COL13A1: variants seen among roughly 807,000 people sequenced by gnomAD.
The protein encoded by COL13A1 is collagen alpha-1(XIII) chain.
In COL13A1, 89 loss-of-function variants were observed where a neutral mutation model predicts 130.9. The ratio of observed to expected loss-of-function variants is 0.68; its 90% CI spans 0.57 to 0.81. The LOEUF is 0.81. Among genes scored for constraint, COL13A1 ranks in the 30% least tolerant of loss-of-function variants. The probability of loss-of-function intolerance (pLI) is 0.00; values close to 1 mark genes in which losing one functional copy is unlikely to be tolerated. For synonymous variants in COL13A1, 402 were observed against 341.6 expected, an observed-to-expected ratio of 1.18 and a Z score of -1.95; for missense variants, 879 against 934.6, an observed-to-expected ratio of 0.94 and a Z score of 0.78.
chr10:69,856,509 C>A (rs1856475674), intron 2 of COL13A1, among the ~76,000 whole-genome samples: 1 of 152,146 alleles, frequency 6.6e-6, no homozygotes, highest in Admixed American at 6.5e-5. Flanking sequence ...TACAACCTAA[C>A]AAAAGACAAG....
chr10:69,868,166 C>A (rs982865362), intron 3 of COL13A1, among the ~76,000 whole-genome samples: 32 of 148,502 alleles, frequency 2.2e-4, no homozygotes, highest in African/African-American at 6.9e-4. Context: ...GAAAAGAAAT[C>A]ATCTCTCCTC....
At chr10:69,866,536 T>C (rs1436361376) in intron 2 of COL13A1, among the ~76,000 whole-genome samples, 2 of 152,212 alleles carry the variant, frequency 1.3e-5, no homozygotes, top group East Asian at 3.9e-4. Flanking sequence ...GTGACATTCC[T>C]CTGCCACTCA....
intron 1 of COL13A1, among the ~76,000 whole-genome samples, chr10:69,808,780 G>A (rs1194108259): frequency 6.6e-6 from 1 of 152,262 alleles, no homozygotes; most frequent in Non-Finnish European, 1.5e-5. Context: ...AGCTGTTGAT[G>A]TAAGGTCCCC....
chr10:69,936,925 C>T (rs1423818085), intron 33 of COL13A1, 143 bp downstream of exon 33: 5 of 869,998 alleles, frequency 5.7e-6, no homozygotes, highest in Non-Finnish European at 8.9e-6. Context: ...GGAGGAAGTC[C>T]TAGATTCCCT....
chr10:69,930,272 C>A, intron 29 of COL13A1, 128 bp from the exon 30 acceptor site: 1 of 1,088,156 alleles, frequency 9.2e-7, no homozygotes, highest in Non-Finnish European at 1.3e-6. Context: ...CAGACCCAGG[C>A]TGGGCTGTCT....
chr10:69,837,839 G>A (rs1056688396), intron 2 of COL13A1, among the ~76,000 whole-genome samples: 8 of 152,246 alleles, frequency 5.3e-5, no homozygotes, highest in African/African-American at 1.7e-4. Context: ...TCCAAAGGAA[G>A]CTGAAGCTGG....
chr10:69,889,127 T>C (rs1405898655), intron 9 of COL13A1, among the ~76,000 whole-genome samples: 2 of 152,196 alleles, frequency 1.3e-5, no homozygotes, highest in African/African-American at 4.8e-5. Flanking sequence ...ACCCTGGACA[T>C]GTGAATGGCA....
intron 1 of COL13A1, among the ~76,000 whole-genome samples, chr10:69,812,709 A>G (rs1843376850): frequency 6.6e-6 from 1 of 152,254 alleles, no homozygotes; most frequent in African/African-American, 2.4e-5. Context: ...AGCTGGTGCA[A>G]AAGTAATTAC....
At chr10:69,826,383 C>G (rs546766301) in intron 2 of COL13A1, among the ~76,000 whole-genome samples, 14 of 152,370 alleles carry the variant, frequency 9.2e-5, no homozygotes, top group Admixed American at 8.5e-4. Flanking sequence ...CATGCCCTGA[C>G]TGCCAGGCCA....
chr10:69,873,204 G>A (rs1010108042), intron 4 of COL13A1, among the ~76,000 whole-genome samples: 22 of 152,154 alleles, frequency 1.4e-4, no homozygotes, highest in South Asian at 2.1e-4. Flanking sequence ...AGACCCTTAC[G>A]TTCCTCCCTC....
intron 15 of COL13A1, 43 bp from the exon 16 acceptor site, chr10:69,904,890 C>T: frequency 6.5e-7 from 1 of 1,538,448 alleles, no homozygotes; most frequent in South Asian, 1.2e-5. Context: ...CAGCTCTACT[C>T]ACCTTTTCTT....
Position 69,926,920 on chromosome 10 carries a change from T to TG in COL13A1, c.1399-162dup, listed in dbSNP as rs543829109. 2.4e-4 allele frequency among the ~76,000 whole-genome samples: 37 copies of TG among 151,920 alleles called. No individual in the cohort carries two copies. In the South Asian group the frequency reaches 6.2e-3, roughly 26 times the overall value. On this transcript the variant is annotated intron_variant, in intron 26 of 40. Transcript: ENST00000645393. ...TTACAAACCTCAGCGAGAGGTGGGG[T>TG]GGGGGTGGTGTGAGTCTGGGGGCCA...
Position 69,828,374 on chromosome 10 carries a change from C to G in COL13A1, c.364+5936C>G, listed in dbSNP as rs150390503. Among the ~76,000 whole-genome samples the G allele has an allele frequency of 3.6e-3, 542 of 152,196 alleles. 1 individual carries two copies. Among genetic ancestry groups the G allele is most frequent in the African/African-American group, 0.013 (526 of 41,502 alleles). On this transcript the variant is annotated intron_variant, in intron 2 of 40. Coordinates refer to ENST00000645393, the MANE Select transcript of COL13A1 (RefSeq NM_001368882.1). ...ACCCACAATAGCAACATCAGTGCCC[C>G]CTTCGCCTTCACCCACTGCACTCCA...
At chr10:69,916,207 C>A (rs2063898418) in intron 17 of COL13A1, among the ~76,000 whole-genome samples, 1 of 152,214 alleles carries the variant, frequency 6.6e-6, no homozygotes, top group South Asian at 2.1e-4. Context: ...TGCCTTTAAG[C>A]CTATGGGAAC....
intron 7 of COL13A1, among the ~76,000 whole-genome samples, chr10:69,881,024 T>C (rs2060087769): frequency 6.6e-6 from 1 of 152,220 alleles, no homozygotes. Flanking sequence ...TGTGCAGTGC[T>C]GGGTCCTGTG....
At chr10:69,829,185 A>G in intron 2 of COL13A1, 1 of 974,050 alleles carries the variant, frequency 1.0e-6, no homozygotes, top group Non-Finnish European at 1.2e-6. Context: ...AGTCTCATTC[A>G]TCCCACTCTG....
intron 15 of COL13A1, among the ~76,000 whole-genome samples, chr10:69,904,182 A>T (rs1428143207): frequency 1.3e-5 from 2 of 152,158 alleles, no homozygotes; most frequent in Non-Finnish European, 2.9e-5. Flanking sequence ...AAAGTGCTCC[A>T]AATTCACTTT....
At position 69,851,557 on chromosome 10, in the gene COL13A1, TG is replaced by T. The variant is rs1449514844; in HGVS notation, c.365-16240del. ...GTCTAATACAGTAGCCACAGCTACA[TG>T]TGGCTATTCAACACTTAAAATGTGG... On this transcript the variant is annotated intron_variant, in intron 2 of 40. Coordinates refer to ENST00000645393, the MANE Select transcript of COL13A1 (RefSeq NM_001368882.1). 2.6e-5 allele frequency among the ~76,000 whole-genome samples: 4 copies of T among 152,364 alleles called. No homozygotes were observed. The East Asian group carries it at 7.7e-4, about 29-fold the overall frequency.
intron 2 of COL13A1, among the ~76,000 whole-genome samples, chr10:69,824,458 A>C (rs923535080): frequency 2.0e-5 from 3 of 152,194 alleles, no homozygotes; most frequent in Non-Finnish European, 2.9e-5. Context: ...ATTGTGCCTC[A>C]GAAAGTCAGG....
Sources: gnomAD v4.1 joint callset for allele counts (sites outside exome capture counted in the v4.1 genomes callset) on GRCh38, gnomAD v4.1.1 for gene constraint, MANE v1.5 for transcripts, NCBI Gene and HGNC (gene_info 2026-07-23, HGNC 2026-07-21) for gene names.